Variants in DDX3X observed in about 807,000 individuals in gnomAD.
DDX3X encodes ATP-dependent RNA helicase DDX3X.
Under a neutral mutation model 52.7 loss-of-function variants are expected in DDX3X, and 4 were observed. The observed-to-expected ratio is 0.08, with a 90% CI of 0.04 to 0.17. The LOEUF is 0.17. DDX3X is among the 10% of genes least tolerant of loss of function. The probability of loss-of-function intolerance (pLI) is 1.00; values close to 1 mark genes in which losing one functional copy is unlikely to be tolerated. For missense variants in DDX3X, 222 were observed against 548.6 expected, an observed-to-expected ratio of 0.40 and a Z score of 5.95; for synonymous variants, 192 against 178.1, an observed-to-expected ratio of 1.08 and a Z score of -0.62.
Position 41,347,440 on chromosome X carries a change from G to C in DDX3X, c.1898G>C (p.Gly633Ala). ...SGGGGHGSSR[G>A]FGGGGYGGFY... ...GGAGGTGGCCACGGTAGCAGCAGAG[G>C]ATTTGGTGGAGGTAGTGTTAATCTG... The change falls in exon 16 of 17, where the codon GGA becomes GCA. Residue 633 changes from glycine to alanine, a missense_variant. Physicochemically the swap from Gly to Ala is moderately conservative, Grantham distance 60. Coordinates refer to ENST00000644876, the MANE Select transcript of DDX3X (RefSeq NM_001356.5). 8.3e-7 allele frequency: 1 copy of C among 1,209,782 alleles called. No homozygotes were observed. The highest frequency in any genetic ancestry group is 1.1e-6 in the Non-Finnish European group (1 of 894,385).
At position 41,341,480 on chromosome X, in the gene DDX3X, A is replaced by G. The variant is rs756241308; in HGVS notation, c.152-4A>G. ...AAAATGTATTTGTGCTTTTTTAATC[A>G]AAGGTTTCTACGATAAAGACAGTTC... On this transcript the variant is annotated splice_polypyrimidine_tract_variant and splice_region_variant and intron_variant, in intron 3 of 16. Coordinates refer to ENST00000644876, the MANE Select transcript of DDX3X (RefSeq NM_001356.5). The G allele has an allele frequency of 8.4e-7, 1 of 1,194,100 alleles. No homozygotes were observed. Among genetic ancestry groups the G allele is most frequent in the Non-Finnish European group, 1.1e-6 (1 of 883,219 alleles).
At chrX:41,364,173 G>T (rs2064039702) in intron 5 of DDX3X, 1 of 292,381 alleles carries the variant, frequency 3.4e-6, no homozygotes, top group African/African-American at 2.7e-5. Flanking sequence ...TGTAGTAATG[G>T]GAGTAGGTGG....
At chrX:41,363,934 C>T (rs1420238347) in intron 5 of DDX3X, among the ~76,000 whole-genome samples, 2 of 111,941 alleles carry the variant, frequency 1.8e-5, no homozygotes, top group African/African-American at 3.2e-5. Flanking sequence ...CTCATTGTTT[C>T]TGAGCACTGT....
At chrX:41,334,440 T>C (rs2063725434) in intron 1 of DDX3X, 143 bp downstream of exon 1, 3 of 1,118,207 alleles carry the variant, frequency 2.7e-6, no homozygotes, top group African/African-American at 1.8e-5. Context: ...GCCCCGGGGC[T>C]ATAGAGGGAT....
At chrX:41,364,000 C>A (rs2147374979) in intron 5 of DDX3X, among the ~76,000 whole-genome samples, 1 of 111,498 alleles carries the variant, frequency 9.0e-6, no homozygotes, top group African/African-American at 3.3e-5. Context: ...AACAGCTGCC[C>A]CTCTGCCTTC....
chrX:41,334,152 G>T, upstream of DDX3X: 1 of 881,522 alleles, frequency 1.1e-6, no homozygotes, highest in South Asian at 2.3e-5. Context: ...GTGGCCGCGC[G>T]GTGCGCTCCA....
intron 14 of DDX3X, 67 bp downstream of exon 14, chrX:41,346,689 A>G: frequency 1.0e-6 from 1 of 978,225 alleles, no homozygotes. Context: ...AGAACTTGCT[A>G]GGATCTAAAA....
intron 5 of DDX3X, among the ~76,000 whole-genome samples, chrX:41,363,433 TAA>T (rs1341269658): frequency 9.3e-6 from 1 of 107,901 alleles, no homozygotes; most frequent in African/African-American, 3.4e-5. Flanking sequence ...TCACAAAAAA[TAA>T]AAGAGTTGAT....
chrX:41,334,230 C>T lies in DDX3X; in HGVS notation c.-23C>T. On this transcript the variant is annotated 5_prime_UTR_variant, in exon 1 of 17. Coordinates refer to ENST00000644876, the MANE Select transcript of DDX3X (RefSeq NM_001356.5). ...ACACTCGCTTAGCAGCGGAAGACTC[C>T]GAGTTCTCGGTACTCTTCAGGGATG... 2 of 1,204,556 alleles carry T rather than the reference C, an allele frequency of 1.7e-6. No homozygotes were observed. Among genetic ancestry groups the T allele is most frequent in the Non-Finnish European group, 2.2e-6 (2 of 890,354 alleles).
rs192436082 is a variant in DDX3X, at chrX:41,359,328, C to T, written c.655-4946C>T. On this transcript the variant is annotated intron_variant, in intron 5 of 5. Coordinates refer to the DDX3X transcript ENST00000616050. ...GGACATCTGAAAGTTGCCTCCAGGCCGGGCATCGTGGCTCATGCCTGTAAT... is the reference window on the plus strand; with the variant it reads ...GGACATCTGAAAGTTGCCTCCAGGCTGGGCATCGTGGCTCATGCCTGTAAT... Among the ~76,000 whole-genome samples, 4 of 111,678 alleles carry T rather than the reference C, an allele frequency of 3.6e-5. No individual in the cohort carries two copies. In the Admixed American group the frequency reaches 3.8e-4, roughly 11 times the overall value.
intron 1 of DDX3X, 172 bp downstream of exon 1, chrX:41,334,469 T>C (rs1445577717): frequency 9.1e-7 from 1 of 1,100,091 alleles, no homozygotes; most frequent in Non-Finnish European, 1.2e-6. Context: ...TGGTTGGGGC[T>C]GTCGCCCGGG....
chrX:41,334,489 GGC>G (rs2147333561), intron 1 of DDX3X, 192 bp downstream of exon 1: 1 of 1,097,424 alleles, frequency 9.1e-7, no homozygotes, highest in East Asian at 3.3e-5. Context: ...GCCCGGTCTC[GGC>G]CCGCTGTATT....
intron 2 of DDX3X, 132 bp downstream of exon 2, chrX:41,337,597 T>C (rs1349931577): frequency 1.9e-6 from 1 of 513,914 alleles, no homozygotes; most frequent in African/African-American, 2.4e-5. Context: ...GTCTTTGTGT[T>C]ATAGAATTAT....
chrX:41,357,599 T>A (rs1196661210), intron 5 of DDX3X, among the ~76,000 whole-genome samples: 3 of 111,037 alleles, frequency 2.7e-5, no homozygotes, highest in African/African-American at 6.5e-5. Flanking sequence ...CTGGCTAATT[T>A]TTGTATTTTT....
At position 41,335,520 on chromosome X, in the gene DDX3X, C is replaced by T. The variant is rs775234612; in HGVS notation, c.45+1223C>T. On this transcript the variant is annotated intron_variant, in intron 1 of 16. Coordinates refer to ENST00000644876, the MANE Select transcript of DDX3X (RefSeq NM_001356.5). ...GACTTTGGTGGCAGGAAGTCTGCAT[C>T]CCACCGCAACAGTGGCACCAGGCTT... The T allele has an allele frequency of 4.5e-5, 5 of 110,973 alleles. No homozygotes were observed. In the Admixed American group the frequency reaches 4.8e-4, roughly 11 times the overall value. 9.1% of individuals were successfully genotyped at this position (110,973 alleles called of 1,213,427 possible).
rs1402223957 is a variant in DDX3X, at chrX:41,348,984, T to C, written c.*1265T>C. The C allele has an allele frequency of 8.9e-6, 1 of 112,294 alleles. No individual in the cohort carries two copies. Among genetic ancestry groups the C allele is most frequent in the Non-Finnish European group, 1.9e-5 (1 of 53,244 alleles). The allele number at this position is 112,294 out of a possible 1,213,427, so 9.3% of individuals were successfully genotyped here. A position where few individuals can be genotyped will look rare whatever the true frequency, so the allele number is the denominator to read the frequency against. On this transcript the variant is annotated 3_prime_UTR_variant, in exon 17 of 17. Coordinates refer to ENST00000644876, the MANE Select transcript of DDX3X (RefSeq NM_001356.5). ...AGGTTTCCATTGTATTTATAGTCTG[T>C]TTATGCTAAATCTGGCCAAAGATGA...
At chrX:41,345,790 A>G (rs1371997198) in intron 12 of DDX3X, 1 of 323,595 alleles carries the variant, frequency 3.1e-6, no homozygotes, top group Non-Finnish European at 5.3e-6. Flanking sequence ...ATAGTACACT[A>G]CAGCCCAGAA....
rs112884433 is a variant in DDX3X at position 41,346,428 on chromosome X, T to G, written c.1497+18T>G. 1.2e-5 allele frequency: 15 copies of G among 1,201,242 alleles called. No individual in the cohort carries two copies. The African/African-American group carries it at 1.9e-4, about 15-fold the overall frequency. ...CTACAGCAGTATGTATAAACATCTT[T>G]CTTTTATTCAAATTGAGCATGTTCA... On this transcript the variant is annotated intron_variant, in intron 13 of 16. Coordinates refer to ENST00000644876, the MANE Select transcript of DDX3X (RefSeq NM_001356.5).
chrX:41,345,346 T>C, intron 11 of DDX3X, 22 bp downstream of exon 11: 2 of 1,202,431 alleles, frequency 1.7e-6, no homozygotes, highest in Non-Finnish European at 2.2e-6. Flanking sequence ...TGTTGCAAAT[T>C]TTATTTATTT....
Sources: gnomAD v4.1 joint callset for allele counts (sites outside exome capture counted in the v4.1 genomes callset) on GRCh38, gnomAD v4.1.1 for gene constraint, MANE v1.5 for transcripts, NCBI Gene and HGNC (gene_info 2026-07-23, HGNC 2026-07-21) for gene names.